The following SIPA1L3 variants were observed in gnomAD, a reference collection of about 807,000 sequenced individuals.
SIPA1L3 encodes signal-induced proliferation-associated 1-like protein 3.
SIPA1L3 carries 59 observed loss-of-function variants against 150.1 expected under a neutral mutation model. The observed-to-expected ratio is 0.39, with a 90% CI of 0.32 to 0.49. SIPA1L3 has a LOEUF of 0.49. Ranked by LOEUF, SIPA1L3 falls within the 20% of genes least tolerant of loss-of-function variation. The pLI is 0.86. For missense variants in SIPA1L3, 2,211 were observed against 2,489.5 expected (o/e 0.89, Z 2.38); for synonymous variants, 1,070 against 1,077.6 (o/e 0.99, Z 0.14).
At chr19:37,927,891 G>C (rs2046520688) in intron 1 of SIPA1L3, among the ~76,000 whole-genome samples, 1 of 152,092 alleles carries the variant, frequency 6.6e-6, no homozygotes, top group African/African-American at 2.4e-5. Flanking sequence ...CTTGTTTAAT[G>C]GCTGTGTAGT....
intron 1 of SIPA1L3, among the ~76,000 whole-genome samples, chr19:37,914,480 C>G (rs1228295489): frequency 1.3e-5 from 2 of 151,904 alleles, no homozygotes; most frequent in Non-Finnish European, 2.9e-5. Context: ...AGTGATCCTC[C>G]TGCCTCAGCC....
At chr19:37,933,490 A>G (rs1599810023) in intron 1 of SIPA1L3, among the ~76,000 whole-genome samples, 1 of 152,214 alleles carries the variant, frequency 6.6e-6, no homozygotes, top group East Asian at 1.9e-4. Flanking sequence ...GGCTCCATAG[A>G]AGCACAGGCA....
intron 2 of SIPA1L3, among the ~76,000 whole-genome samples, chr19:38,065,409 G>C (rs1365516073): frequency 1.5e-5 from 2 of 136,364 alleles, no homozygotes; most frequent in Non-Finnish European, 3.1e-5. Flanking sequence ...CTCACATGCT[G>C]ACTTTTTTTT....
chr19:38,091,018 C>T (rs1970246317), intron 4 of SIPA1L3, among the ~76,000 whole-genome samples: 1 of 152,214 alleles, frequency 6.6e-6, no homozygotes, highest in Non-Finnish European at 1.5e-5. Context: ...TGAGAGGTGA[C>T]AGCTCACACT....
chr19:38,099,282 C>G (rs548837893), intron 4 of SIPA1L3, among the ~76,000 whole-genome samples: 1 of 151,456 alleles, frequency 6.6e-6, no homozygotes, highest in South Asian at 2.1e-4. Context: ...GTGATCCGCC[C>G]ACCTTGGCCT....
At chr19:37,969,174 G>A (rs2046931098) in intron 1 of SIPA1L3, among the ~76,000 whole-genome samples, 1 of 152,062 alleles carries the variant, frequency 6.6e-6, no homozygotes, top group African/African-American at 2.4e-5. Context: ...TCAAGGCTGC[G>A]GTGAGCCATG....
At chr19:38,189,954 C>T (rs1042215218) in intron 16 of SIPA1L3, among the ~76,000 whole-genome samples, 1 of 152,114 alleles carries the variant, frequency 6.6e-6, no homozygotes, top group East Asian at 1.9e-4. Context: ...ATCTGCCATG[C>T]GTCTCTGGAG....
chr19:38,205,798 G>A (rs537643316), intron 21 of SIPA1L3, among the ~76,000 whole-genome samples: 18 of 152,282 alleles, frequency 1.2e-4, no homozygotes, highest in East Asian at 1.9e-4. Context: ...GGTGGGATGC[G>A]GTGACAATAG....
In SIPA1L3 at chr19:38,164,634, C is replaced by T. The variant is rs1222071702; in HGVS notation, c.3936C>T (p.Asp1312=). ...GTGGCTCTAGTGACAGCGGCATCGACACCACCCTCTACACCTCCAGCCCTA... is the reference window on the plus strand; with the variant it reads ...GTGGCTCTAGTGACAGCGGCATCGATACCACCCTCTACACCTCCAGCCCTA... ...SKGGSSDSGI[D]TTLYTSSPSC... The change falls in exon 15 of 22, where the codon GAC becomes GAT. Residue 1312 remains aspartate, a synonymous_variant. Transcript: ENST00000222345. The surrounding 1 kb of genome is among the most constrained non-coding windows in gnomAD (Gnocchi z 4.1). 3.1e-6 allele frequency: 5 copies of T among 1,614,026 alleles called. No homozygotes were observed. Among genetic ancestry groups the T allele is most frequent in the African/African-American group, 1.3e-5 (1 of 74,918 alleles).
At chr19:37,955,558 A>G (rs1026723200) in intron 1 of SIPA1L3, among the ~76,000 whole-genome samples, 6 of 152,112 alleles carry the variant, frequency 3.9e-5, no homozygotes, top group Non-Finnish European at 8.8e-5. Flanking sequence ...CCAGGCTACC[A>G]CTAACCTGCT....
rs749396267 is a variant in SIPA1L3 at position 38,152,860 on chromosome 19, C to G, written c.3554C>G (p.Pro1185Arg). The change falls in exon 13 of 22, where the codon CCC (proline) becomes CGC (arginine). Residue 1185 changes from proline to arginine, a missense_variant. Coordinates refer to ENST00000222345, the MANE Select transcript of SIPA1L3 (RefSeq NM_015073.3). ...TGCAGGTACACGGCTGCCCCACACC[C>G]CCTGCTATCTCTTGATCCCCACTTC... ...SPERYTAAPH[P>R]LLSLDPHFSH... 6 of 1,612,896 alleles carry G rather than the reference C, an allele frequency of 3.7e-6. No individual in the cohort carries two copies. The South Asian group carries it at 4.4e-5, about 12-fold the overall frequency.
chr19:37,982,790 G>A (rs1384670336), intron 1 of SIPA1L3, among the ~76,000 whole-genome samples: 1 of 152,212 alleles, frequency 6.6e-6, no homozygotes, highest in Non-Finnish European at 1.5e-5. Context: ...GAGGGAGAGA[G>A]GCTGGGGCTG....
intron 20 of SIPA1L3, among the ~76,000 whole-genome samples, chr19:38,202,776 G>A (rs1379252452): frequency 3.9e-5 from 6 of 152,026 alleles, no homozygotes; most frequent in African/African-American, 7.2e-5. Flanking sequence ...GCCAGGTGCC[G>A]TGCTGGGCTG....
At chr19:38,062,042 C>A (rs540531029) in intron 2 of SIPA1L3, among the ~76,000 whole-genome samples, 1 of 151,850 alleles carries the variant, frequency 6.6e-6, no homozygotes, top group Admixed American at 6.6e-5. Context: ...ACTGTGAGTG[C>A]AGGTGCTGTT....
At chr19:38,096,881 G>A (rs113250085) in intron 4 of SIPA1L3, among the ~76,000 whole-genome samples, 3 of 152,282 alleles carry the variant, frequency 2.0e-5, no homozygotes, top group Non-Finnish European at 4.4e-5. Flanking sequence ...GTGTTCGTGT[G>A]CACTGAGGTG....
At chr19:37,964,365 C>T (rs2046884402) in intron 1 of SIPA1L3, 1 of 152,170 alleles carries the variant, frequency 6.6e-6, no homozygotes. Flanking sequence ...GTACTCCAGC[C>T]TGGGTGGTAG....
intron 1 of SIPA1L3, among the ~76,000 whole-genome samples, chr19:37,961,529 A>T (rs2046858190): frequency 6.6e-6 from 1 of 152,116 alleles, no homozygotes; most frequent in Non-Finnish European, 1.5e-5. Context: ...TTGTCTTTCA[A>T]CAATTTGACT....
chr19:38,078,675 C>T (rs1033862240), intron 2 of SIPA1L3, among the ~76,000 whole-genome samples: 7 of 152,226 alleles, frequency 4.6e-5, no homozygotes, highest in South Asian at 4.1e-4. Flanking sequence ...TGATCAAGAA[C>T]GGCTGCATCC....
chr19:38,071,324 T>C (rs1047311943), intron 2 of SIPA1L3, among the ~76,000 whole-genome samples: 1 of 152,144 alleles, frequency 6.6e-6, no homozygotes, highest in African/African-American at 2.4e-5. Flanking sequence ...TCTCACTTTA[T>C]TGCCCAGGCG....
Sources: allele counts gnomAD v4.1 joint callset (sites outside exome capture counted in the v4.1 genomes callset), GRCh38; gene constraint gnomAD v4.1.1; non-coding constraint Gnocchi (gnomAD v3.1); transcripts MANE v1.5; gene names NCBI Gene and HGNC (gene_info 2026-07-23, HGNC 2026-07-21).